The following TRIM5 variants were observed in gnomAD, a reference collection of about 807,000 sequenced individuals.
TRIM5 encodes the protein tripartite motif-containing protein 5.
TRIM5 carries 31 observed loss-of-function variants against 35.6 expected under a neutral mutation model. The ratio of observed to expected loss-of-function variants is 0.87; its 90% CI spans 0.65 to 1.18. The LOEUF (loss-of-function observed/expected upper bound fraction) is 1.18, where lower values mean the gene tolerates loss of function less well. TRIM5 is among the 50% of genes most tolerant of loss of function. The probability of loss-of-function intolerance (pLI) is 0.00; values close to 1 mark genes in which losing one functional copy is unlikely to be tolerated. For synonymous variants in TRIM5, 243 were observed against 215.6 expected (o/e 1.13, Z -1.11); for missense variants, 609 against 591.6 (o/e 1.03, Z -0.31).
At chr11:5,653,057 T>A in the TRIM5 span, among the ~76,000 whole-genome samples, 1 of 152,110 alleles carries the variant, frequency 6.6e-6, no homozygotes, top group Non-Finnish European at 1.5e-5. Flanking sequence ...TTTCACCATA[T>A]TAGCCAGGAT....
Position 5,663,564 on chromosome 11 carries a change from T to A in TRIM5, c.*1245A>T. The A allele has an allele frequency of 2.1e-6, 2 of 971,974 alleles. No individual in the cohort carries two copies. Among genetic ancestry groups the A allele is most frequent in the Non-Finnish European group, 2.4e-6 (2 of 817,608 alleles). The allele number at this position is 971,974 out of a possible 1,614,324, so 60.2% of individuals were successfully genotyped here. A position where few individuals can be genotyped will look rare whatever the true frequency, so the allele number is the denominator to read the frequency against. On this transcript the variant is annotated 3_prime_UTR_variant, in exon 8 of 8. Transcript: ENST00000380034. ...TAGATCAAGACACTTAGATAGATGC[T>A]TTATACTTCAGGAATTTATTTTTTC...
At chr11:5,647,307 A>G in the TRIM5 span, among the ~76,000 whole-genome samples, 1 of 152,184 alleles carries the variant, frequency 6.6e-6, no homozygotes, top group South Asian at 2.1e-4. Context: ...TCACCTTTTC[A>G]TACTCTTCTA....
chr11:5,684,503 A>C (rs1852861570), intron 1 of TRIM5, among the ~76,000 whole-genome samples: 3 of 152,224 alleles, frequency 2.0e-5, no homozygotes, highest in Admixed American at 2.0e-4. Flanking sequence ...AGGTGATGAG[A>C]ACTGACCTGT....
chr11:5,634,450 G>A, the TRIM5 span, among the ~76,000 whole-genome samples: 2 of 140,702 alleles, frequency 1.4e-5, no homozygotes, highest in South Asian at 2.3e-4. Context: ...AAAAAAAATC[G>A]ATATATAGAT....
the TRIM5 span, chr11:5,612,015 T>A: frequency 6.6e-6 from 1 of 152,208 alleles, no homozygotes. Flanking sequence ...ATTGAGACAA[T>A]TGTGTATCAT....
the TRIM5 span, among the ~76,000 whole-genome samples, chr11:5,600,684 C>T: frequency 2.1e-5 from 2 of 94,204 alleles, no homozygotes; most frequent in Non-Finnish European, 4.7e-5. Context: ...TGTGTTGAGG[C>T]CCACACGGAC....
At chr11:5,670,193 T>G (rs1003776563) in intron 4 of TRIM5, among the ~76,000 whole-genome samples, 1 of 140,000 alleles carries the variant, frequency 7.1e-6, no homozygotes, top group Non-Finnish European at 1.5e-5. Flanking sequence ...TTTTTTTTTT[T>G]TTGAGATGGA....
At chr11:5,657,662 A>ATATAT in the TRIM5 span, among the ~76,000 whole-genome samples, 2 of 104,290 alleles carry the variant, frequency 1.9e-5, no homozygotes, top group East Asian at 4.2e-4. Context: ...TATATAATAT[A>ATATAT]TATTTATAAT....
the TRIM5 span, among the ~76,000 whole-genome samples, chr11:5,621,170 C>T: frequency 6.6e-6 from 1 of 152,224 alleles, no homozygotes; most frequent in African/African-American, 2.4e-5. Context: ...TTGCAATGCC[C>T]GAGGCTCTGG....
chr11:5,635,873 AG>A, the TRIM5 span, among the ~76,000 whole-genome samples: 1 of 152,348 alleles, frequency 6.6e-6, no homozygotes, highest in Admixed American at 6.5e-5. Flanking sequence ...TAATAAAAAA[AG>A]ATGGACAATA....
chr11:5,680,039 T>A lies in TRIM5; in HGVS notation c.139A>T (p.Met47Leu), dbSNP rs762039354. The A allele has an allele frequency of 6.2e-7, 1 of 1,614,166 alleles. No homozygotes were observed. Among genetic ancestry groups the A allele is most frequent in the Non-Finnish European group, 8.5e-7 (1 of 1,180,020 alleles). The change falls in exon 2 of 8, where the codon ATG (methionine) becomes TTG (leucine). Residue 47 changes from methionine to leucine, a missense_variant. By Grantham distance (15) the Met-to-Leu change is conservative. Coordinates refer to ENST00000380034, the MANE Select transcript of TRIM5 (RefSeq NM_033034.3). ...CAGCTACTCTCTCCTTTGTCTAGCA[T>A]GGACTTCTTGTGGTTTGCAGTGAGG... is the stretch of plus-strand genomic sequence containing the variant. ...ACLTANHKKS[M>L]LDKGESSCPV...
chr11:5,630,710 C>A, the TRIM5 span, among the ~76,000 whole-genome samples: 1 of 152,162 alleles, frequency 6.6e-6, no homozygotes, highest in Admixed American at 6.5e-5. Context: ...CTCTATTTAG[C>A]ACATTATTTG....
At chr11:5,647,800 C>T in the TRIM5 span, among the ~76,000 whole-genome samples, 35 of 152,158 alleles carry the variant, frequency 2.3e-4, no homozygotes, top group African/African-American at 6.7e-4. Context: ...GGATTATAAG[C>T]GTGAACCACC....
chr11:5,619,726 A>G, the TRIM5 span: 2 of 80,590 alleles, frequency 2.5e-5, no homozygotes, highest in Non-Finnish European at 4.4e-5. Context: ...TTTTTTTGAG[A>G]CTGAGCCTCA....
chr11:5,645,012 T>A, the TRIM5 span, among the ~76,000 whole-genome samples: 1,799 of 152,288 alleles, frequency 0.012, 32 homozygotes, highest in African/African-American at 0.041. Flanking sequence ...CTGTTCCTGC[T>A]AATGTTAGGA....
the TRIM5 span, among the ~76,000 whole-genome samples, chr11:5,605,918 G>A: frequency 6.6e-6 from 1 of 152,158 alleles, no homozygotes; most frequent in African/African-American, 2.4e-5. Flanking sequence ...GGGTTCTCCT[G>A]TACATTGTAG....
downstream of TRIM5, among the ~76,000 whole-genome samples, chr11:5,659,028 G>C (rs975389236): frequency 3.0e-4 from 45 of 152,120 alleles, no homozygotes. Context: ...GGGAGGGATA[G>C]TATTAGGAGA....
the TRIM5 span, among the ~76,000 whole-genome samples, chr11:5,627,241 G>A: frequency 3.3e-5 from 5 of 151,828 alleles, no homozygotes; most frequent in East Asian, 1.9e-4. Context: ...TTAGCTGGGC[G>A]TTGTGGCAGG....
At chr11:5,669,320 T>C (rs571644474) in intron 4 of TRIM5, among the ~76,000 whole-genome samples, 1 of 152,302 alleles carries the variant, frequency 6.6e-6, no homozygotes, top group Non-Finnish European at 1.5e-5. Context: ...CCTCAGGCGA[T>C]CCGCCTGCCT....
Sources: gnomAD v4.1 joint callset for allele counts (sites outside exome capture counted in the v4.1 genomes callset) on GRCh38, gnomAD v4.1.1 for gene constraint, MANE v1.5 for transcripts, NCBI Gene and HGNC (gene_info 2026-07-23, HGNC 2026-07-21) for gene names.